Variants in AGMO observed in about 807,000 individuals in gnomAD.
AGMO encodes alkylglycerol monooxygenase, also known as glyceryl-ether monooxygenase.
Under a neutral mutation model 60.2 loss-of-function variants are expected in AGMO, and 75 were observed. That is an observed-to-expected ratio of 1.25 (90% CI 1.03 to 1.51). The LOEUF (loss-of-function observed/expected upper bound fraction) is 1.51. AGMO is among the 40% of genes most tolerant of loss of function. The pLI is 0.00. For synonymous variants in AGMO, 261 were observed against 177.1 expected (o/e 1.47, Z -3.76); for missense variants, 763 against 525.5 (o/e 1.45, Z -4.42).
chr7:15,430,644 A>AC (rs5882505), intron 4 of AGMO, among the ~76,000 whole-genome samples: 63,598 of 144,260 alleles, frequency 0.44, 14,541 homozygotes, highest in Middle Eastern at 0.6. Flanking sequence ...AAAAAAAAAA[A>AC]AACTGGTAAA....
the AGMO span, among the ~76,000 whole-genome samples, chr7:15,140,600 T>C: frequency 1.3e-5 from 2 of 152,180 alleles, no homozygotes; most frequent in African/African-American, 4.8e-5. Flanking sequence ...TGCCATATTG[T>C]TAGTAATTTC....
At position 15,544,766 on chromosome 7, in the gene AGMO, G is replaced by T; in HGVS notation, c.409+6C>A. On this transcript the variant is annotated splice_donor_region_variant and intron_variant, in intron 3 of 12. Coordinates refer to ENST00000342526, the MANE Select transcript of AGMO (RefSeq NM_001004320.2). ...AGTTAACAAAAAGTCCTCATTTGCA[G>T]CTTACCATGAGCCATACGATGGAAC... 1 of 1,574,694 alleles carries T rather than the reference G, an allele frequency of 6.4e-7. No individual in the cohort carries two copies. The highest frequency in any genetic ancestry group is 8.6e-7 in the Non-Finnish European group (1 of 1,161,576).
chr7:15,441,345 C>T (rs1322979377), intron 3 of AGMO, among the ~76,000 whole-genome samples: 1 of 152,152 alleles, frequency 6.6e-6, no homozygotes, highest in African/African-American at 2.4e-5. Context: ...TTTTATGTTG[C>T]ATGAAAATCT....
At position 15,426,456 on chromosome 7, in the gene AGMO, ACCAAAAT is replaced by A. The variant is rs1278011198; in HGVS notation, c.513+4542_513+4548del. On this transcript the variant is annotated intron_variant, in intron 4 of 12. Transcript: ENST00000342526. The stretch of plus-strand genomic sequence containing the variant: ...CAACCAACCAAACAAACAAACAAAA[ACCAAAAT>A]CTTCCCCAGGCGCGGTGGCTCATGC... 9.9e-5 allele frequency among the ~76,000 whole-genome samples: 15 copies of A among 152,204 alleles called. No homozygotes were observed. In the South Asian group the frequency reaches 1.7e-3, roughly 17 times the overall value.
In AGMO at chr7:15,232,167, T is replaced by G. The variant is rs550390603; in HGVS notation, c.1264-30808A>C. On this transcript the variant is annotated intron_variant, in intron 12 of 12. Transcript: ENST00000342526. Reference sequence around the variant, plus strand: ...GAGATCTTTTCAATGCAAGAAATCTTCCCTTGCCTACGCTCTACATTATCC... The same window carrying G: ...GAGATCTTTTCAATGCAAGAAATCTGCCCTTGCCTACGCTCTACATTATCC... Among the ~76,000 whole-genome samples, 62 of 152,298 alleles carry G rather than the reference T, an allele frequency of 4.1e-4. 1 individual carries two copies. The South Asian group carries it at 0.012, about 28-fold the overall frequency.
intron 12 of AGMO, among the ~76,000 whole-genome samples, chr7:15,240,523 A>C (rs1044563217): frequency 3.3e-5 from 5 of 152,192 alleles, no homozygotes; most frequent in Non-Finnish European, 4.4e-5. Flanking sequence ...GTGCAGAGAT[A>C]AAGACTGATC....
chr7:15,235,509 A>C (rs1020031299), intron 12 of AGMO, among the ~76,000 whole-genome samples: 1 of 152,136 alleles, frequency 6.6e-6, no homozygotes, highest in Non-Finnish European at 1.5e-5. Context: ...AATTCTCTTC[A>C]AATTGGATGC....
intron 3 of AGMO, among the ~76,000 whole-genome samples, chr7:15,501,206 T>A (rs1401367746): frequency 6.6e-6 from 1 of 152,040 alleles, no homozygotes; most frequent in Non-Finnish European, 1.5e-5. Context: ...GTCCATTTGG[T>A]CAAGTCTTGA....
intron 3 of AGMO, among the ~76,000 whole-genome samples, chr7:15,449,683 C>T (rs1264866642): frequency 1.3e-5 from 2 of 152,130 alleles, no homozygotes; most frequent in South Asian, 2.1e-4. Context: ...TCTAACTGCA[C>T]ATTACAGTGC....
intron 2 of AGMO, among the ~76,000 whole-genome samples, chr7:15,559,557 A>G (rs886657546): frequency 1.3e-5 from 2 of 152,086 alleles, no homozygotes; most frequent in Non-Finnish European, 2.9e-5. Flanking sequence ...CAGGATAAAC[A>G]TGACAAATAG....
At chr7:15,390,279 C>T (rs1784082477) in intron 8 of AGMO, among the ~76,000 whole-genome samples, 11 of 152,140 alleles carry the variant, frequency 7.2e-5, no homozygotes, top group Admixed American at 7.2e-4. Flanking sequence ...ACAAAGGCCT[C>T]ACGATGAATT....
At chr7:15,507,121 T>C (rs1296065894) in intron 3 of AGMO, among the ~76,000 whole-genome samples, 3 of 152,026 alleles carry the variant, frequency 2.0e-5, no homozygotes, top group Non-Finnish European at 4.4e-5. Context: ...AAGGATTTTA[T>C]ATGCAGCCAT....
chr7:15,414,621 A>C lies in AGMO; in HGVS notation c.609+3937T>G, dbSNP rs189969373. 4.1e-3 allele frequency among the ~76,000 whole-genome samples: 628 copies of C among 152,250 alleles called. 3 individuals are homozygous for C. Among genetic ancestry groups the C allele is most frequent in the African/African-American group, 0.014 (588 of 41,558 alleles). On this transcript the variant is annotated intron_variant, in intron 5 of 12. Coordinates refer to ENST00000342526, the MANE Select transcript of AGMO (RefSeq NM_001004320.2). ...CCTTGCCAGAGCAATAAGGCAAGAA[A>C]AAAAATAGCACAAATATAGGGGAAA...
rs1391285890 is a variant in AGMO, at chr7:15,464,076, TCACTAGCTTGCTTGAAGAAGGTAAG to T, written c.410-32993_410-32969del. On this transcript the variant is annotated intron_variant, in intron 3 of 12. Transcript: ENST00000342526. ...ATAGCCACGGAGATTTCTTACTCTT[TCACTAGCTTGCTTGAAGAAGGTAAG>T]CACAGTCCCGATCACTTACAGAAAC... Among the ~76,000 whole-genome samples, 4 of 152,192 alleles carry T rather than the reference TCACTAGCTTGCTTGAAGAAGGTAAG, an allele frequency of 2.6e-5. No homozygotes were observed. In the East Asian group the frequency reaches 7.7e-4, roughly 29 times the overall value.
chr7:15,218,151 T>C (rs913253461), intron 12 of AGMO, among the ~76,000 whole-genome samples: 2 of 152,150 alleles, frequency 1.3e-5, no homozygotes, highest in East Asian at 1.9e-4. Flanking sequence ...AAGTTTCATA[T>C]TCCAATGTGG....
chr7:15,553,893 C>T (rs1785051049), intron 2 of AGMO, among the ~76,000 whole-genome samples: 2 of 152,206 alleles, frequency 1.3e-5, no homozygotes, highest in Non-Finnish European at 2.9e-5. Context: ...AGCCTTCCCC[C>T]CACCACATCC....
At chr7:15,152,862 T>C in the AGMO span, among the ~76,000 whole-genome samples, 871 of 152,256 alleles carry the variant, frequency 5.7e-3, 10 homozygotes, top group East Asian at 0.035. Context: ...AGATACCTAG[T>C]AGTGGGATTG....
At chr7:15,431,196 G>T in intron 3 of AGMO, 88 bp from the exon 4 acceptor site, 1 of 860,874 alleles carries the variant, frequency 1.2e-6, no homozygotes. Context: ...TGTTGAGTGA[G>T]GAAGAAAAAT....
At chr7:15,520,260 C>G (rs1583639636) in intron 3 of AGMO, among the ~76,000 whole-genome samples, 2 of 152,108 alleles carry the variant, frequency 1.3e-5, no homozygotes, top group African/African-American at 2.4e-5. Flanking sequence ...GAGACTTTAA[C>G]ACCCCATTGT....
Sources: allele counts gnomAD v4.1 joint callset (sites outside exome capture counted in the v4.1 genomes callset), GRCh38; gene constraint gnomAD v4.1.1; transcripts MANE v1.5; gene names NCBI Gene and HGNC (gene_info 2026-07-23, HGNC 2026-07-21).